The following NLRP1 variants were observed in gnomAD, a reference collection of about 807,000 sequenced individuals.
NLRP1 encodes the protein NACHT, LRR and PYD domains-containing protein 1.
A neutral mutation model predicts 136.7 loss-of-function variants in NLRP1; 94 were observed. That is an observed-to-expected ratio of 0.69 (90% CI 0.58 to 0.82). The LOEUF is 0.82. Ranked by LOEUF, NLRP1 falls within the 40% of genes least tolerant of loss-of-function variation. NLRP1 has a pLI of 0.00. For synonymous variants in NLRP1, 690 were observed against 725.1 expected (o/e 0.95, Z 0.78); for missense variants, 1,575 against 1,802.7 (o/e 0.87, Z 2.29).
intron 3 of NLRP1, among the ~76,000 whole-genome samples, chr17:5,571,538 C>T (rs1489771193): frequency 6.6e-6 from 1 of 152,148 alleles, no homozygotes; most frequent in Non-Finnish European, 1.5e-5. Flanking sequence ...ATACATCTAA[C>T]CAGGATTGTG....
chr17:5,521,088 A>C, intron 13 of NLRP1, 76 bp from the exon 14 acceptor site: 1 of 1,430,850 alleles, frequency 7.0e-7, no homozygotes. Flanking sequence ...GGGATGGTGC[A>C]TCTGTGTGTT....
downstream of NLRP1, among the ~76,000 whole-genome samples, chr17:5,511,438 C>CAAA (rs1363570277): frequency 8.8e-5 from 5 of 56,746 alleles, no homozygotes; most frequent in South Asian, 4.0e-3. Flanking sequence ...GAGCCTCCGT[C>CAAA]TAAAAAAAAA....
intron 12 of NLRP1, among the ~76,000 whole-genome samples, chr17:5,524,770 C>T (rs1397101514): frequency 2.0e-5 from 3 of 152,250 alleles, no homozygotes; most frequent in Non-Finnish European, 4.4e-5. Flanking sequence ...GGAGCACTAA[C>T]AGACGCTCGG....
At chr17:5,539,377 C>A in intron 7 of NLRP1, 38 bp downstream of exon 7, 1 of 1,573,148 alleles carries the variant, frequency 6.4e-7, no homozygotes, top group Non-Finnish European at 8.6e-7. Context: ...CCCCCCAACC[C>A]TCTTCCCTCT....
chr17:5,556,871 G>A (rs2151799656), intron 4 of NLRP1, among the ~76,000 whole-genome samples: 1 of 152,146 alleles, frequency 6.6e-6, no homozygotes, highest in East Asian at 1.9e-4. Context: ...TGATCCACCT[G>A]CCTCGGCCTC....
intron 5 of NLRP1, among the ~76,000 whole-genome samples, chr17:5,552,336 A>G (rs1007037422): frequency 6.6e-6 from 1 of 151,704 alleles, no homozygotes; most frequent in African/African-American, 2.4e-5. Flanking sequence ...TTCTAATTTC[A>G]TTTTATCATG....
At chr17:5,560,089 G>GAATT (rs745878633) in intron 3 of NLRP1, 46 bp from the exon 4 acceptor site, 2 of 1,457,542 alleles carry the variant, frequency 1.4e-6, no homozygotes, top group South Asian at 1.4e-5. Context: ...GAGAATAGAA[G>GAATT]AATTAATTAA....
chr17:5,532,833 C>A lies in NLRP1; in HGVS notation c.3285G>T (p.Lys1095Asn). ...GCCCCCTCACTCACCGGTACAAGTT[C>A]TTTTCTTTGTCAACTACCTCAGTAG... The part of the protein sequence containing the change: ...PVATEVVDKE[K>N]NLYRVHFPVA... The change falls in exon 11 of 17, where the codon AAG becomes AAT. Residue 1095 changes from lysine (K) to asparagine (N), a missense_variant. Lys to Asn is a moderately conservative substitution (Grantham distance 94). Transcript: ENST00000572272. 2 of 1,604,882 alleles carry A rather than the reference C, an allele frequency of 1.2e-6. No homozygotes were observed. Among genetic ancestry groups the A allele is most frequent in the Non-Finnish European group, 1.7e-6 (2 of 1,176,634 alleles).
intron 14 of NLRP1, among the ~76,000 whole-genome samples, chr17:5,519,352 G>A (rs1908588330): frequency 6.6e-6 from 1 of 151,640 alleles, no homozygotes; most frequent in African/African-American, 2.4e-5. Context: ...TGCCATCTTG[G>A]CCAGGCTGGT....
rs1907097158 is a variant in NLRP1, at chr17:5,501,766, C to CA, written c.*47dup. ...GGTCTACTCAGGCCTCCTTGTCATCCACCAAGCCCTCTCTGGCTTCATTGG... is the reference window on the plus strand; with the variant it reads ...GGTCTACTCAGGCCTCCTTGTCATCCAACCAAGCCCTCTCTGGCTTCATTGG... On this transcript the variant is annotated 3_prime_UTR_variant, in exon 16 of 16. Transcript: ENST00000262467. The CA allele has an allele frequency of 4.6e-6, 7 of 1,525,822 alleles. No individual in the cohort carries two copies. The Admixed American group carries it at 1.2e-4, about 25-fold the overall frequency. 94.5% of individuals were successfully genotyped at this position (1,525,822 alleles called of 1,614,324 possible).
intron 3 of NLRP1, 69 bp downstream of exon 3, chr17:5,581,789 AG>A: frequency 7.8e-7 from 1 of 1,284,120 alleles, no homozygotes; most frequent in Non-Finnish European, 1.1e-6. Flanking sequence ...CCTGGTCCCC[AG>A]GGGACTCTTT....
intron 3 of NLRP1, among the ~76,000 whole-genome samples, chr17:5,566,967 G>A (rs1013036407): frequency 6.6e-6 from 1 of 152,006 alleles, no homozygotes; most frequent in Non-Finnish European, 1.5e-5. Flanking sequence ...TATTTTGTCT[G>A]ATACAAGTAT....
chr17:5,559,785 A>G lies in NLRP1; in HGVS notation c.911T>C (p.Val304Ala). The G allele has an allele frequency of 6.2e-7, 1 of 1,614,222 alleles. No individual in the cohort carries two copies. The highest frequency in any genetic ancestry group is 2.2e-5 in the East Asian group (1 of 44,878). ...AATTAAATGTCCTCGATTCTCCTCCACATAATCAGGCCAGCTTCTCTTGAC... is the reference window on the plus strand; with the variant it reads ...AATTAAATGTCCTCGATTCTCCTCCGCATAATCAGGCCAGCTTCTCTTGAC... ...PLVKRSWPDY[V>A]EENRGHLIEI... Residue 304 changes from valine (V) to alanine (A), a missense_variant, in exon 4 of 17, where the codon GTG becomes GCG. By Grantham distance (64) the Val-to-Ala change is moderately conservative (BLOSUM62 0). Coordinates refer to ENST00000572272, the MANE Select transcript of NLRP1 (RefSeq NM_033004.4).
chr17:5,556,115 TACACACACACACACACACAC>T (rs59028107), intron 4 of NLRP1, among the ~76,000 whole-genome samples: 9 of 119,008 alleles, frequency 7.6e-5, no homozygotes, highest in Non-Finnish European at 1.4e-4. Context: ...TCTCTCTCTC[TACACACACACACACACACAC>T]ACACACACAC....
Position 5,523,975 on chromosome 17 carries a change from G to A in NLRP1, c.3521-2189C>T, listed in dbSNP as rs545681472. 4.6e-5 allele frequency among the ~76,000 whole-genome samples: 7 copies of A among 152,318 alleles called. No homozygotes were observed. In the East Asian group the frequency reaches 1.2e-3, roughly 25 times the overall value. ...GTCTAGCTCTGTCACCGAGGCTGGA[G>A]TACAGTGGTGTGATCTTGGCTCACC... is the stretch of plus-strand genomic sequence containing the variant. On this transcript the variant is annotated intron_variant, in intron 12 of 16. Transcript: ENST00000572272.
chr17:5,574,151 G>A (rs1014919825), intron 3 of NLRP1, among the ~76,000 whole-genome samples: 4 of 152,198 alleles, frequency 2.6e-5, no homozygotes, highest in African/African-American at 7.2e-5. Flanking sequence ...CGAGAACTAC[G>A]TGAAGAATGC....
intron 12 of NLRP1, chr17:5,529,960 A>G (rs1216856156): frequency 2.2e-6 from 1 of 456,410 alleles, no homozygotes; most frequent in African/African-American, 2.0e-5. Flanking sequence ...TGGAGGTGAC[A>G]TAAAATCATA....
chr17:5,561,584 C>A lies in NLRP1; in HGVS notation c.653-1541G>T, dbSNP rs1467932028. Among the ~76,000 whole-genome samples the A allele has an allele frequency of 2.0e-5, 2 of 102,060 alleles. 1 individual carries two copies. The highest frequency in any genetic ancestry group is 4.6e-4 in the East Asian group (2 of 4,356). 67.0% of individuals were successfully genotyped at this position (102,060 alleles called of 152,430 possible). ...TCAGCCTCCCGAGTAGCTGGGACTA[C>A]AGGCGCCCGCCACCGCGCCCGGCTA... On this transcript the variant is annotated intron_variant, in intron 3 of 16. Transcript: ENST00000572272.
chr17:5,553,872 T>TAAA (rs71312948), intron 4 of NLRP1, among the ~76,000 whole-genome samples: 16 of 149,668 alleles, frequency 1.1e-4, no homozygotes, highest in East Asian at 3.9e-4. Context: ...TTTTTTTTTT[T>TAAA]AAATCTGCAC....
Sources: allele counts gnomAD v4.1 joint callset (sites outside exome capture counted in the v4.1 genomes callset), GRCh38; gene constraint gnomAD v4.1.1; transcripts MANE v1.5; gene names NCBI Gene and HGNC (gene_info 2026-07-23, HGNC 2026-07-21).